Variants in UVRAG observed in about 807,000 individuals in gnomAD.
The protein encoded by UVRAG is UV radiation resistance-associated gene protein.
A neutral mutation model predicts 78.0 loss-of-function variants in UVRAG; 19 were observed. That is an observed-to-expected ratio of 0.24 (90% CI 0.17 to 0.36). The LOEUF is 0.36. UVRAG is among the 10% of genes least tolerant of loss of function. UVRAG has a pLI of 1.00. For synonymous variants in UVRAG, 323 were observed against 324.6 expected (o/e 1.00, Z 0.05); for missense variants, 740 against 853.8 (o/e 0.87, Z 1.66).
intron 6 of UVRAG, among the ~76,000 whole-genome samples, chr11:75,928,725 G>A (rs1464660025): frequency 6.6e-6 from 1 of 152,038 alleles, no homozygotes; most frequent in African/African-American, 2.4e-5. Flanking sequence ...GGATCACGAG[G>A]TCAGGAGATT....
intron 12 of UVRAG, among the ~76,000 whole-genome samples, chr11:76,019,629 AG>A (rs369225903): frequency 2.2e-4 from 33 of 152,318 alleles, no homozygotes; most frequent in African/African-American, 7.5e-4. Context: ...AAGATCCAGA[AG>A]GGTTCTCTGG....
intron 6 of UVRAG, among the ~76,000 whole-genome samples, chr11:75,954,475 A>G (rs1591059127): frequency 6.6e-6 from 1 of 152,292 alleles, no homozygotes; most frequent in South Asian, 2.1e-4. Flanking sequence ...TAACATTTTT[A>G]GTAAAAATTG....
intron 2 of UVRAG, among the ~76,000 whole-genome samples, chr11:75,856,351 C>G (rs911058654): frequency 1.3e-5 from 2 of 152,126 alleles, no homozygotes; most frequent in Non-Finnish European, 2.9e-5. Context: ...AATGTAAATG[C>G]CTGCCCTCTC....
intron 3 of UVRAG, among the ~76,000 whole-genome samples, chr11:75,875,472 T>C (rs1351790172): frequency 1.5e-5 from 2 of 129,614 alleles, no homozygotes; most frequent in Non-Finnish European, 3.3e-5. Context: ...GTGAATTAGT[T>C]TTTTTTTTTT....
chr11:75,871,316 C>T (rs1297552905), intron 3 of UVRAG, among the ~76,000 whole-genome samples: 2 of 138,894 alleles, frequency 1.4e-5, no homozygotes, highest in Non-Finnish European at 3.1e-5. Context: ...GGCAGAGTCT[C>T]GCTCTTGTTG....
intron 6 of UVRAG, among the ~76,000 whole-genome samples, chr11:75,914,041 G>T (rs145763251): frequency 6.0e-4 from 91 of 152,274 alleles, no homozygotes; most frequent in African/African-American, 2.0e-3. Context: ...TCCTAAACCA[G>T]ATCACGTGAC....
intron 13 of UVRAG, among the ~76,000 whole-genome samples, chr11:76,075,815 A>G (rs1473201070): frequency 6.6e-6 from 1 of 152,114 alleles, no homozygotes; most frequent in Non-Finnish European, 1.5e-5. Context: ...GCTGTTCTGG[A>G]CATTTCTTAC....
chr11:75,873,002 A>G (rs1214249215), intron 3 of UVRAG, among the ~76,000 whole-genome samples: 1 of 152,194 alleles, frequency 6.6e-6, no homozygotes, highest in East Asian at 1.9e-4. Context: ...AGACAGGCAA[A>G]AAAATCAGTG....
chr11:75,888,714 T>A (rs1219193280), intron 4 of UVRAG, 115 bp from the exon 5 acceptor site: 5 of 752,298 alleles, frequency 6.6e-6, no homozygotes, highest in African/African-American at 1.8e-5. Flanking sequence ...TGTTTAGATG[T>A]AGTCAGCCGG....
At chr11:76,114,204 T>C (rs1247328412) in intron 13 of UVRAG, among the ~76,000 whole-genome samples, 1 of 152,244 alleles carries the variant, frequency 6.6e-6, no homozygotes, top group Non-Finnish European at 1.5e-5. Flanking sequence ...ATCAGCCATT[T>C]TGCTTTTATC....
At position 75,948,277 on chromosome 11, in the gene UVRAG, G is replaced by GT. The variant is rs1258624041; in HGVS notation, c.594-13166dup. On this transcript the variant is annotated intron_variant, in intron 6 of 14. Transcript: ENST00000356136. The stretch of plus-strand genomic sequence containing the variant: ...TTTTTGAAGGACGCTATTGAAATCT[G>GT]TGTTTTAGGAGAGCATTCTCATGGC... 2.0e-5 allele frequency among the ~76,000 whole-genome samples: 3 copies of GT among 152,160 alleles called. 1 individual carries two copies. Among genetic ancestry groups the GT allele is most frequent in the Admixed American group, 2.0e-4 (3 of 15,268 alleles).
At chr11:75,893,193 A>G (rs1297122687) in intron 5 of UVRAG, among the ~76,000 whole-genome samples, 2 of 152,012 alleles carry the variant, frequency 1.3e-5, no homozygotes, top group Non-Finnish European at 2.9e-5. Context: ...AAAAAGAAAA[A>G]AAGAAGAATT....
At chr11:76,111,798 C>T (rs578068004) in intron 13 of UVRAG, among the ~76,000 whole-genome samples, 47 of 152,100 alleles carry the variant, frequency 3.1e-4, no homozygotes, top group African/African-American at 1.0e-3. Context: ...TCATCAAGCA[C>T]TGCCAATGCA....
chr11:76,135,712 G>A (rs1003684029), intron 14 of UVRAG, among the ~76,000 whole-genome samples: 2 of 152,188 alleles, frequency 1.3e-5, no homozygotes, highest in African/African-American at 4.8e-5. Flanking sequence ...AGCCACTTAC[G>A]GGAAATGGCT....
intron 7 of UVRAG, among the ~76,000 whole-genome samples, chr11:75,974,587 C>T (rs1440161343): frequency 6.6e-6 from 1 of 151,418 alleles, no homozygotes; most frequent in Non-Finnish European, 1.5e-5. Flanking sequence ...AGGATGGTCT[C>T]GATCTCCTGA....
At chr11:76,060,859 G>A (rs2134371196) in intron 12 of UVRAG, among the ~76,000 whole-genome samples, 2 of 152,380 alleles carry the variant, frequency 1.3e-5, no homozygotes, top group South Asian at 4.1e-4. Context: ...CCTCCGTGGG[G>A]ATCCTGTGTG....
At chr11:76,137,706 G>C in intron 14 of UVRAG, 1 of 343,136 alleles carries the variant, frequency 2.9e-6, no homozygotes, top group Non-Finnish European at 5.7e-6. Flanking sequence ...TGAGACCAGT[G>C]TGTGCAAGAT....
At chr11:76,040,226 TAGA>T (rs1228854428) in intron 12 of UVRAG, among the ~76,000 whole-genome samples, 3 of 151,854 alleles carry the variant, frequency 2.0e-5, no homozygotes, top group Non-Finnish European at 2.9e-5. Flanking sequence ...AGCAAAGAAG[TAGA>T]AGAAGCGGCC....
At chr11:75,920,008 G>GTTTTTTTTTTTTTTTTTTTT (rs140217190) in intron 6 of UVRAG, among the ~76,000 whole-genome samples, 8 of 55,492 alleles carry the variant, frequency 1.4e-4, no homozygotes, top group African/African-American at 4.1e-4. Context: ...AATAATTTTG[G>GTTTTTTTTTTTTTTTTTTTT]TTTTTTTTTT....
Sources: gnomAD v4.1 joint callset for allele counts (sites outside exome capture counted in the v4.1 genomes callset) on GRCh38, gnomAD v4.1.1 for gene constraint, MANE v1.5 for transcripts, NCBI Gene and HGNC (gene_info 2026-07-23, HGNC 2026-07-21) for gene names.